STAU2: variants seen among roughly 807,000 people sequenced by gnomAD.
STAU2 encodes the protein staufen double-stranded RNA binding protein 2.
In STAU2, 20 loss-of-function variants were observed where a neutral mutation model predicts 65.9. The ratio of observed to expected loss-of-function variants is 0.30; its 90% confidence interval spans 0.21 to 0.44. The LOEUF (loss-of-function observed/expected upper bound fraction) is 0.44. STAU2 is among the 20% of genes least tolerant of loss of function. STAU2 has a pLI of 1.00. For missense variants in STAU2, 558 were observed against 683.9 expected (o/e 0.82, Z 2.05); for synonymous variants, 232 against 233.9 (o/e 0.99, Z 0.07).
chr8:73,533,261 T>C (rs1410548917), intron 13 of STAU2, among the ~76,000 whole-genome samples: 1 of 152,234 alleles, frequency 6.6e-6, no homozygotes, highest in Non-Finnish European at 1.5e-5. Context: ...TACTATAAAT[T>C]GATATTTTGT....
chr8:73,438,344 G>C (rs1817868884), intron 13 of STAU2, among the ~76,000 whole-genome samples: 1 of 152,216 alleles, frequency 6.6e-6, no homozygotes, highest in Non-Finnish European at 1.5e-5. Flanking sequence ...GACGGCAGTG[G>C]AACCAGACAG....
chr8:73,717,657 T>C (rs1430534605), intron 3 of STAU2, among the ~76,000 whole-genome samples: 2 of 151,842 alleles, frequency 1.3e-5, no homozygotes. Context: ...TTGTTGTTGT[T>C]GTTGTTTTGA....
At position 73,630,116 on chromosome 8, in the gene STAU2, A is replaced by G. The variant is rs149217056; in HGVS notation, c.411-12665T>C. On this transcript the variant is annotated intron_variant, in intron 6 of 14. Coordinates refer to ENST00000524300, the MANE Select transcript of STAU2 (RefSeq NM_001164380.2). Reference sequence around the variant, plus strand: ...AAGTACCTTGGATTAACGTTAAACAATTTATAATTTTCAGTCATTTTAAAT... The same window carrying G: ...AAGTACCTTGGATTAACGTTAAACAGTTTATAATTTTCAGTCATTTTAAAT... Among the ~76,000 whole-genome samples, 54 of 152,366 alleles carry G rather than the reference A, an allele frequency of 3.5e-4. 1 individual carries two copies. The East Asian group carries it at 0.01, about 29-fold the overall frequency.
chr8:73,596,337 A>G (rs1392334172), intron 10 of STAU2, among the ~76,000 whole-genome samples: 1 of 152,182 alleles, frequency 6.6e-6, no homozygotes, highest in African/African-American at 2.4e-5. Flanking sequence ...CTCCAAAAAA[A>G]AGATTTTTAT....
chr8:73,716,342 G>A (rs141229684), intron 3 of STAU2, among the ~76,000 whole-genome samples: 5 of 152,128 alleles, frequency 3.3e-5, no homozygotes, highest in East Asian at 1.9e-4. Context: ...CACCCGCCTC[G>A]GCCTCCCAAA....
intron 6 of STAU2, among the ~76,000 whole-genome samples, chr8:73,622,490 A>C (rs1053040646): frequency 9.9e-5 from 15 of 152,160 alleles, no homozygotes; most frequent in Non-Finnish European, 1.9e-4. Flanking sequence ...GATGTCCCCA[A>C]GGTCACCTTA....
Position 73,552,215 on chromosome 8 carries a change from C to T in STAU2, c.1327G>A (p.Asp443Asn). The change falls in exon 13 of 15, where the codon GAT (aspartate) becomes AAT (asparagine). Residue 443 changes from aspartate (D) to asparagine (N), a missense_variant. This residue lies in a region of STAU2 where 247 missense variants were observed against 270.1 expected (regional missense o/e 0.91). Coordinates refer to ENST00000524300, the MANE Select transcript of STAU2 (RefSeq NM_001164380.2). ...GTTLGYLSPK[D>N]MNQPSSSFFS... ...AAAGAGCTTGAAGGTTGGTTCATAT[C>T]TTTGGGTGACAAATAGCCTAGAGTA... 2 of 1,614,000 alleles carry T rather than the reference C, an allele frequency of 1.2e-6. No homozygotes were observed. Among genetic ancestry groups the T allele is most frequent in the African/African-American group, 1.3e-5 (1 of 75,030 alleles).
intron 6 of STAU2, among the ~76,000 whole-genome samples, chr8:73,656,138 T>G (rs1378268661): frequency 6.6e-6 from 1 of 152,192 alleles, no homozygotes; most frequent in African/African-American, 2.4e-5. Flanking sequence ...CACTGACATT[T>G]ACAGAGCTTT....
intron 13 of STAU2, among the ~76,000 whole-genome samples, chr8:73,493,082 T>C (rs1180134188): frequency 6.6e-6 from 1 of 151,860 alleles, no homozygotes; most frequent in Non-Finnish European, 1.5e-5. Context: ...TGAATATCCA[T>C]GTGGAAAAAA....
intron 2 of STAU2, among the ~76,000 whole-genome samples, 151 bp downstream of exon 2, chr8:73,739,605 T>C (rs1191548636): frequency 6.6e-6 from 1 of 152,222 alleles, no homozygotes; most frequent in Non-Finnish European, 1.5e-5. Flanking sequence ...AACTTTAATA[T>C]TTTTCTTACA....
chr8:73,672,187 A>G (rs1817732589), intron 6 of STAU2: 1 of 152,248 alleles, frequency 6.6e-6, no homozygotes, highest in Non-Finnish European at 1.5e-5. Context: ...AAACCCAGAT[A>G]TAAGCAACAT....
At chr8:73,481,692 T>C (rs1820642782) in intron 13 of STAU2, among the ~76,000 whole-genome samples, 1 of 152,154 alleles carries the variant, frequency 6.6e-6, no homozygotes, top group South Asian at 2.1e-4. Flanking sequence ...AATAGGATTG[T>C]ATTTCAAAAA....
chr8:73,682,313 G>A (rs933279755), intron 5 of STAU2, among the ~76,000 whole-genome samples: 1 of 151,592 alleles, frequency 6.6e-6, no homozygotes, highest in African/African-American at 2.4e-5. Flanking sequence ...GACATCAACT[G>A]CAAAAGGAAC....
At chr8:73,459,523 T>C (rs934820212) in intron 13 of STAU2, among the ~76,000 whole-genome samples, 17 of 152,178 alleles carry the variant, frequency 1.1e-4, no homozygotes, top group African/African-American at 4.1e-4. Context: ...TTTCTGGAGC[T>C]GCATTTTTAC....
chr8:73,499,397 C>A (rs1251132802), intron 13 of STAU2, among the ~76,000 whole-genome samples: 3 of 151,728 alleles, frequency 2.0e-5, no homozygotes, highest in East Asian at 1.9e-4. Flanking sequence ...AAGGATAAAG[C>A]CTTGAGCACA....
chr8:73,487,855 A>G (rs1820992590), intron 13 of STAU2, among the ~76,000 whole-genome samples: 1 of 152,120 alleles, frequency 6.6e-6, no homozygotes, highest in South Asian at 2.1e-4. Flanking sequence ...ATTAGGTACA[A>G]ACTATAATAA....
At chr8:73,539,499 T>A (rs968542446) in intron 13 of STAU2, among the ~76,000 whole-genome samples, 1 of 151,880 alleles carries the variant, frequency 6.6e-6, no homozygotes, top group Non-Finnish European at 1.5e-5. Flanking sequence ...TAAAAAAAAA[T>A]TTACTGGATT....
chr8:73,643,310 C>A (rs1182604794), intron 6 of STAU2, among the ~76,000 whole-genome samples: 1 of 152,202 alleles, frequency 6.6e-6, no homozygotes, highest in African/African-American at 2.4e-5. Context: ...CCCATACATA[C>A]AGTACTCCGT....
At chr8:73,584,595 T>C (rs6472787) in intron 11 of STAU2, among the ~76,000 whole-genome samples, 23,363 of 152,014 alleles carry the variant, frequency 0.15, 1,837 homozygotes, top group African/African-American at 0.17. Context: ...ATCTTCTAAC[T>C]AGAGGAGAGT....
Sources: gnomAD v4.1 joint callset for allele counts (sites outside exome capture counted in the v4.1 genomes callset) on GRCh38, gnomAD v4.1.1 for gene constraint, gnomAD v4.1.1 regional missense constraint, MANE v1.5 for transcripts, NCBI Gene and HGNC (gene_info 2026-07-23, HGNC 2026-07-21) for gene names.